Variants in NCK1 observed in about 807,000 individuals in gnomAD.
The protein encoded by NCK1 is SH2/SH3 adapter protein NCK1.
A neutral mutation model predicts 36.6 loss-of-function variants in NCK1; 19 were observed. The ratio of observed to expected loss-of-function variants is 0.52; its 90% CI spans 0.36 to 0.76. The LOEUF is 0.76. NCK1 is among the 30% of genes least tolerant of loss of function. The pLI is 0.00. For synonymous variants in NCK1, 165 were observed against 156.0 expected, an observed-to-expected ratio of 1.06 and a Z score of -0.43; for missense variants, 358 against 445.6, an observed-to-expected ratio of 0.80 and a Z score of 1.77.
At chr3:136,913,293 T>C (rs1939876616) in intron 1 of NCK1, among the ~76,000 whole-genome samples, 1 of 152,204 alleles carries the variant, frequency 6.6e-6, no homozygotes, top group Non-Finnish European at 1.5e-5. Flanking sequence ...GTTTTTCTTT[T>C]TGTTTTTAGA....
chr3:136,899,250 T>C, intron 1 of NCK1: 1 of 263,994 alleles, frequency 3.8e-6, no homozygotes, highest in Non-Finnish European at 7.7e-6. Flanking sequence ...ACTGCATATT[T>C]GTAATGGTTT....
intron 1 of NCK1, among the ~76,000 whole-genome samples, chr3:136,912,316 C>T (rs1418477905): frequency 2.0e-5 from 3 of 151,952 alleles, no homozygotes; most frequent in Non-Finnish European, 4.4e-5. Context: ...GCACATGCCA[C>T]CACGCCTGGC....
intron 2 of NCK1, among the ~76,000 whole-genome samples, chr3:136,931,196 T>C (rs770529690): frequency 1.2e-4 from 19 of 152,296 alleles, no homozygotes; most frequent in South Asian, 6.2e-4. Context: ...TTGACTGTTA[T>C]TGAGTTTGGG....
At chr3:136,887,333 T>A (rs547242099) in intron 1 of NCK1, among the ~76,000 whole-genome samples, 8 of 152,138 alleles carry the variant, frequency 5.3e-5, no homozygotes, top group Admixed American at 5.2e-4. Flanking sequence ...ATGCTCAGCA[T>A]TTTTTTTCTA....
intron 1 of NCK1, among the ~76,000 whole-genome samples, chr3:136,908,419 A>C (rs1428559994): frequency 6.6e-6 from 1 of 152,222 alleles, no homozygotes; most frequent in Non-Finnish European, 1.5e-5. Context: ...CTGTAGAATT[A>C]GTGGACTAGA....
intron 1 of NCK1, among the ~76,000 whole-genome samples, chr3:136,884,364 C>T (rs1939019695): frequency 6.6e-6 from 1 of 152,156 alleles, no homozygotes; most frequent in African/African-American, 2.4e-5. Context: ...AGTTTGAGAT[C>T]AGAGGGTACC....
chr3:136,919,269 A>T (rs1341445333), intron 1 of NCK1, among the ~76,000 whole-genome samples: 1 of 151,946 alleles, frequency 6.6e-6, no homozygotes, highest in African/African-American at 2.4e-5. Flanking sequence ...TCTTATTTAG[A>T]TTGTGGCAGT....
At chr3:136,867,938 A>G (rs1938498031) in intron 1 of NCK1, among the ~76,000 whole-genome samples, 1 of 150,392 alleles carries the variant, frequency 6.6e-6, no homozygotes, top group South Asian at 2.1e-4. Flanking sequence ...TTTTTTTGAG[A>G]CAGAGTTTCG....
At chr3:136,880,609 C>CT (rs1938906464) in intron 1 of NCK1, among the ~76,000 whole-genome samples, 1 of 152,120 alleles carries the variant, frequency 6.6e-6, no homozygotes, top group African/African-American at 2.4e-5. Flanking sequence ...GGATCTTGAA[C>CT]TTAAGACAAT....
intron 1 of NCK1, among the ~76,000 whole-genome samples, chr3:136,895,094 C>T (rs926911759): frequency 2.6e-5 from 4 of 152,066 alleles, no homozygotes; most frequent in Non-Finnish European, 5.9e-5. Context: ...AGGCTGGTCT[C>T]GAACTCCTGA....
rs952259286 is a variant in NCK1 at position 136,949,496 on chromosome 3, A to G, written c.*1043A>G. 3 of 152,126 alleles carry G rather than the reference A, an allele frequency of 2.0e-5. No individual in the cohort carries two copies. The highest frequency in any genetic ancestry group is 1.9e-4 in the East Asian group (1 of 5,190). 9.4% of individuals were successfully genotyped at this position (152,126 alleles called of 1,614,324 possible). A position where few individuals can be genotyped will look rare whatever the true frequency, so the allele number is the denominator to read the frequency against. ...AATGTGCTCATGGTTAGGGAAAATT[A>G]TATTATTTTTAATTTTTTAATTTGT... On this transcript the variant is annotated 3_prime_UTR_variant, in exon 4 of 4. Transcript: ENST00000481752.
chr3:136,895,708 G>A (rs112404238), intron 1 of NCK1, among the ~76,000 whole-genome samples: 3 of 152,026 alleles, frequency 2.0e-5, no homozygotes, highest in Admixed American at 6.6e-5. Flanking sequence ...GGGATTACAG[G>A]TGCGTACCAC....
intron 1 of NCK1, among the ~76,000 whole-genome samples, chr3:136,925,393 C>G (rs1363937601): frequency 6.6e-6 from 1 of 152,088 alleles, no homozygotes; most frequent in Non-Finnish European, 1.5e-5. Context: ...AACTTTAGAA[C>G]TTATTGCGAG....
At chr3:136,868,776 T>C (rs1938521945) in intron 1 of NCK1, among the ~76,000 whole-genome samples, 2 of 152,238 alleles carry the variant, frequency 1.3e-5, no homozygotes, top group Non-Finnish European at 2.9e-5. Flanking sequence ...TGTAATGATT[T>C]AGAGGAAACC....
intron 1 of NCK1, among the ~76,000 whole-genome samples, chr3:136,873,978 T>C (rs1383531169): frequency 6.6e-6 from 1 of 152,194 alleles, no homozygotes; most frequent in Non-Finnish European, 1.5e-5. Flanking sequence ...GTATACCTTT[T>C]TGTGGATGGC....
At position 136,875,798 on chromosome 3, in the gene NCK1, T is replaced by G. The variant is rs532160985; in HGVS notation, c.-19+13445T>G. ...GAATTGAACTCAGCTCTGCACCAAG[T>G]GGACCTAATAGACATCTACAGAACT... On this transcript the variant is annotated intron_variant, in intron 1 of 3. Coordinates refer to ENST00000481752, the MANE Select transcript of NCK1 (RefSeq NM_001291999.2). Among the ~76,000 whole-genome samples the G allele has an allele frequency of 7.2e-3, 1,068 of 148,690 alleles. 9 individuals are homozygous for G. The highest frequency in any genetic ancestry group is 0.012 in the Non-Finnish European group (815 of 67,036).
At chr3:136,867,772 G>A (rs558389602) in intron 1 of NCK1, among the ~76,000 whole-genome samples, 5 of 152,236 alleles carry the variant, frequency 3.3e-5, no homozygotes, top group South Asian at 4.1e-4. Flanking sequence ...ATCTTCTGAC[G>A]CAAGTTCTGT....
At chr3:136,937,752 G>A (rs1475767845) in intron 2 of NCK1, among the ~76,000 whole-genome samples, 8 of 152,042 alleles carry the variant, frequency 5.3e-5, no homozygotes, top group Admixed American at 2.0e-4. Context: ...CATTGTTAAC[G>A]TATAGAAATA....
chr3:136,872,048 T>G (rs1274796882), intron 1 of NCK1, among the ~76,000 whole-genome samples: 1 of 151,948 alleles, frequency 6.6e-6, no homozygotes, highest in African/African-American at 2.4e-5. Flanking sequence ...ACCAGTAGAG[T>G]AGAGTGCTCC....
Sources: gnomAD v4.1 joint callset for allele counts (sites outside exome capture counted in the v4.1 genomes callset) on GRCh38, gnomAD v4.1.1 for gene constraint, MANE v1.5 for transcripts, NCBI Gene and HGNC (gene_info 2026-07-23, HGNC 2026-07-21) for gene names.